Variants in KCND3 observed in about 807,000 individuals in gnomAD.
KCND3 encodes the protein potassium voltage-gated channel subfamily D member 3.
Under a neutral mutation model 51.1 loss-of-function variants are expected in KCND3, and 9 were observed. That is an observed-to-expected ratio of 0.18 (90% CI 0.11 to 0.31). The LOEUF (loss-of-function observed/expected upper bound fraction) is 0.31. Among genes scored for constraint, KCND3 ranks in the 10% least tolerant of loss-of-function variants. The probability of loss-of-function intolerance (pLI) is 1.00; values close to 1 mark genes in which losing one functional copy is unlikely to be tolerated. For synonymous variants in KCND3, 349 were observed against 368.0 expected (o/e 0.95, Z 0.59); for missense variants, 526 against 903.8 (o/e 0.58, Z 5.36).
intron 5 of KCND3, among the ~76,000 whole-genome samples, chr1:111,779,328 AAGG>A (rs2101465925): frequency 6.6e-6 from 1 of 152,292 alleles, no homozygotes; most frequent in East Asian, 1.9e-4. Flanking sequence ...ACCAAAAAAA[AAGG>A]AGTCATCTAA....
intron 2 of KCND3, among the ~76,000 whole-genome samples, chr1:111,882,301 C>T (rs936081216): frequency 2.0e-4 from 31 of 152,292 alleles, no homozygotes; most frequent in Admixed American, 1.2e-3. Context: ...CTAGAAGTAC[C>T]GACTACAAAT....
At position 111,820,624 on chromosome 1, in the gene KCND3, C is replaced by G. The variant is rs556425410; in HGVS notation, c.1107-33518G>C. Among the ~76,000 whole-genome samples the G allele has an allele frequency of 5.9e-5, 9 of 152,228 alleles. No individual in the cohort carries two copies. In the South Asian group the frequency reaches 1.9e-3, roughly 32 times the overall value. ...TTCTCCAGGATTGTTTTCATTCTTA[C>G]TTTTGGAAGCTCCCTGGATTGAATT... On this transcript the variant is annotated intron_variant, in intron 2 of 7. Coordinates refer to ENST00000302127, the MANE Select transcript of KCND3 (RefSeq NM_001378969.1).
intron 2 of KCND3, among the ~76,000 whole-genome samples, chr1:111,964,297 G>A (rs907077670): frequency 1.3e-5 from 2 of 152,206 alleles, no homozygotes; most frequent in South Asian, 4.1e-4. Context: ...CAGTAGGTGG[G>A]GAGGGGTGAC....
At chr1:111,817,004 A>C (rs1666121631) in intron 2 of KCND3, among the ~76,000 whole-genome samples, 3 of 152,266 alleles carry the variant, frequency 2.0e-5, no homozygotes, top group African/African-American at 7.2e-5. Context: ...TGTTTTTAAA[A>C]ATTCAATATT....
intron 2 of KCND3, among the ~76,000 whole-genome samples, chr1:111,942,950 C>T (rs1672594982): frequency 6.6e-6 from 1 of 152,146 alleles, no homozygotes; most frequent in Admixed American, 6.5e-5. Context: ...TGGCCTCTCT[C>T]CTGGATGAAG....
intron 2 of KCND3, among the ~76,000 whole-genome samples, chr1:111,918,421 C>T (rs1470427523): frequency 6.6e-6 from 1 of 152,190 alleles, no homozygotes; most frequent in Non-Finnish European, 1.5e-5. Context: ...GCTTCTCTAG[C>T]ATCTCTTAAG....
In KCND3 at chr1:111,984,646, C is replaced by T. The variant is rs200903501; in HGVS notation, c.-72-1848G>A. On this transcript the variant is annotated intron_variant, in intron 1 of 7. Coordinates refer to ENST00000302127, the MANE Select transcript of KCND3 (RefSeq NM_001378969.1). The stretch of plus-strand genomic sequence containing the variant: ...GACCTACAAAATAAAGTCCAAACTC[C>T]TTGGCCTGGCATTCCAGAATTCCCA... 3.3e-5 allele frequency among the ~76,000 whole-genome samples: 5 copies of T among 152,286 alleles called. No homozygotes were observed. The East Asian group carries it at 7.7e-4, about 23-fold the overall frequency.
At chr1:111,887,262 C>T (rs1014025544) in intron 2 of KCND3, among the ~76,000 whole-genome samples, 3 of 152,160 alleles carry the variant, frequency 2.0e-5, no homozygotes, top group African/African-American at 7.2e-5. Flanking sequence ...CACAAAGCCC[C>T]TTTGAAGACA....
chr1:111,988,827 A>G (rs956849186), intron 1 of KCND3: 1 of 152,184 alleles, frequency 6.6e-6, no homozygotes, highest in Non-Finnish European at 1.5e-5. Context: ...ATAAAAGCAG[A>G]ACATCTCGGA....
chr1:111,868,745 C>CT (rs201786253), intron 2 of KCND3, among the ~76,000 whole-genome samples: 6 of 151,920 alleles, frequency 3.9e-5, no homozygotes, highest in Non-Finnish European at 5.9e-5. Flanking sequence ...TTAACTGTTT[C>CT]TTTTTTTTGA....
At chr1:111,880,182 T>C (rs895567391) in intron 2 of KCND3, among the ~76,000 whole-genome samples, 8 of 152,214 alleles carry the variant, frequency 5.3e-5, no homozygotes, top group Admixed American at 3.3e-4. Context: ...ATTCTAAGAA[T>C]TATATATCTA....
At chr1:111,869,096 G>A (rs543551591) in intron 2 of KCND3, among the ~76,000 whole-genome samples, 44 of 152,178 alleles carry the variant, frequency 2.9e-4, no homozygotes, top group Non-Finnish European at 5.1e-4. Flanking sequence ...TCCTGCCCAC[G>A]GGCCCTCTCA....
At chr1:111,879,553 G>A (rs1169306580) in intron 2 of KCND3, among the ~76,000 whole-genome samples, 1 of 152,204 alleles carries the variant, frequency 6.6e-6, no homozygotes, top group Non-Finnish European at 1.5e-5. Context: ...CTATGGGGCT[G>A]AAAAGAGCAG....
intron 2 of KCND3, among the ~76,000 whole-genome samples, chr1:111,960,786 A>G (rs1673608009): frequency 6.6e-6 from 1 of 152,196 alleles, no homozygotes; most frequent in African/African-American, 2.4e-5. Flanking sequence ...GTCCTCAGGG[A>G]TGAGGGGAGA....
At chr1:111,857,306 TGAG>T (rs542405042) in intron 2 of KCND3, among the ~76,000 whole-genome samples, 1 of 152,180 alleles carries the variant, frequency 6.6e-6, no homozygotes, top group Non-Finnish European at 1.5e-5. Context: ...CAGCGCGTGC[TGAG>T]GAGGACAGAG....
chr1:111,968,355 A>G (rs184747948), intron 2 of KCND3, among the ~76,000 whole-genome samples: 1 of 152,154 alleles, frequency 6.6e-6, no homozygotes, highest in East Asian at 1.9e-4. Context: ...GGGCCACAGA[A>G]GAAGGGAAAA....
intron 2 of KCND3, among the ~76,000 whole-genome samples, chr1:111,850,283 T>C (rs1667750128): frequency 6.6e-6 from 1 of 152,160 alleles, no homozygotes; most frequent in African/African-American, 2.4e-5. Flanking sequence ...CCAAATTGCC[T>C]GAGTGCTAAG....
At chr1:111,910,698 TG>T (rs1445787291) in intron 2 of KCND3, 1 of 152,120 alleles carries the variant, frequency 6.6e-6, no homozygotes, top group Non-Finnish European at 1.5e-5. Flanking sequence ...CCACACTGCC[TG>T]GGTTGTGGTA....
At chr1:111,812,166 GC>G (rs1665883893) in intron 2 of KCND3, among the ~76,000 whole-genome samples, 1 of 152,196 alleles carries the variant, frequency 6.6e-6, no homozygotes, top group South Asian at 2.1e-4. Flanking sequence ...GAAAGGAAGG[GC>G]CTGGACAGCT....
Sources: allele counts gnomAD v4.1 joint callset (sites outside exome capture counted in the v4.1 genomes callset), GRCh38; gene constraint gnomAD v4.1.1; transcripts MANE v1.5; gene names NCBI Gene and HGNC (gene_info 2026-07-23, HGNC 2026-07-21).